Variants in ZNF217 observed in about 807,000 individuals in gnomAD.
ZNF217 encodes the protein zinc finger protein 217.
In ZNF217, 12 loss-of-function variants were observed where a neutral mutation model predicts 73.3. The ratio of observed to expected loss-of-function variants is 0.16; its 90% confidence interval spans 0.10 to 0.27. ZNF217 has a LOEUF of 0.27. ZNF217 is among the 10% of genes least tolerant of loss of function. ZNF217 has a pLI of 1.00. For missense variants in ZNF217, 1,195 were observed against 1,327.8 expected (o/e 0.90, Z 1.55); for synonymous variants, 588 against 516.4 (o/e 1.14, Z -1.88).
At position 53,576,001 on chromosome 20, in the gene ZNF217, C is replaced by T. The variant is rs780377576; in HGVS notation, c.2763G>A (p.Lys921=). Residue 921 remains lysine (K), a synonymous_variant, in exon 4 of 6, where the codon AAG becomes AAA. Transcript: ENST00000371471. ...CAACGTCAAGGGCAACCACGCTGGA[C>T]TTCAGTCTTTTTGGAAGGGGCTCAC... ...EFGEPLPKRL[K]SSVVALDVDQ... is the part of the protein sequence containing the mutation. The T allele has an allele frequency of 8.1e-6, 13 of 1,614,218 alleles. No individual in the cohort carries two copies. The highest frequency in any genetic ancestry group is 1.1e-5 in the Non-Finnish European group (13 of 1,180,034).
chr20:53,583,209 C>T (rs758057060), intron 1 of ZNF217, 41 bp from the exon 2 acceptor site: 2 of 405,082 alleles, frequency 4.9e-6, no homozygotes, highest in Non-Finnish European at 4.4e-6. Context: ...ACACTCAGAG[C>T]GAAGAGAAGG....
chr20:53,580,536 G>C (rs1044031857), intron 2 of ZNF217, among the ~76,000 whole-genome samples: 2 of 152,166 alleles, frequency 1.3e-5, no homozygotes, highest in Non-Finnish European at 1.5e-5. Context: ...GAGGATGGGC[G>C]CAACTCCAAA....
chr20:53,577,785 A>G (rs1988337240), intron 3 of ZNF217, among the ~76,000 whole-genome samples: 1 of 152,246 alleles, frequency 6.6e-6, no homozygotes, highest in African/African-American at 2.4e-5. Flanking sequence ...GTCAGGACAT[A>G]GCAGTCATAA....
upstream of ZNF217, among the ~76,000 whole-genome samples, chr20:53,597,098 A>AC (rs1989055051): frequency 2.1e-5 from 3 of 142,852 alleles, no homozygotes; most frequent in South Asian, 6.7e-4. Flanking sequence ...AAAAAAAAAG[A>AC]AAAAAAAAAA....
upstream of ZNF217, among the ~76,000 whole-genome samples, chr20:53,594,898 G>T (rs1284790742): frequency 2.0e-5 from 3 of 152,022 alleles, no homozygotes; most frequent in African/African-American, 7.2e-5. Flanking sequence ...TCTTCAGAAA[G>T]CTATTTAATT....
At chr20:53,593,863 A>C (rs1169782332), upstream of ZNF217, 1 of 16,448 alleles carries the variant, frequency 6.1e-5, no homozygotes, top group East Asian at 1.3e-3. Flanking sequence ...CGCGGAGGGG[A>C]GGGGGCGGGG....
chr20:53,594,456 C>T (rs1162994773), upstream of ZNF217, among the ~76,000 whole-genome samples: 2 of 151,214 alleles, frequency 1.3e-5, no homozygotes, highest in African/African-American at 4.8e-5. Context: ...GCCGCCGACT[C>T]CGCCTCCGGG....
rs1568687551 is a variant in ZNF217 at position 53,582,064 on chromosome 20, G to C, written c.763C>G (p.Gln255Glu). ...GTSSAQTDSP[Q>E]GGMPSSREDF... ...TCCCTCGAGGACGGCATTCCTCCTT[G>C]TGGAGAGTCTGTCTGCGCGCTGCTG... Residue 255 changes from glutamine to glutamate, a missense_variant, in exon 2 of 6, where the codon CAA (glutamine) becomes GAA (glutamate). Gln to Glu is a conservative substitution (Grantham distance 29). This residue lies in a region of ZNF217 where 126 missense variants were observed against 114.4 expected (regional missense o/e 1.10). Coordinates refer to ENST00000371471, the MANE Select transcript of ZNF217 (RefSeq NM_006526.3). This position sits in a 1 kb window ranked among gnomAD's most constrained non-coding sequence, Gnocchi z 4.8. The C allele has an allele frequency of 6.2e-7, 1 of 1,614,216 alleles. No homozygotes were observed.
In ZNF217 at chr20:53,576,478, T is replaced by C. The variant is rs753408339; in HGVS notation, c.2286A>G (p.Gly762=). 2 of 1,614,108 alleles carry C rather than the reference T, an allele frequency of 1.2e-6. No individual in the cohort carries two copies. Among genetic ancestry groups the C allele is most frequent in the Non-Finnish European group, 1.7e-6 (2 of 1,180,056 alleles). ...AACTAGAGAGGGGAGGCACATCTTT[T>C]CCCAGCAACGCTGGCGGGCATCCGG... ...RRTGCPPALL[G]KDVPPLSSFC... The change falls in exon 4 of 6, where the codon GGA becomes GGG. Residue 762 remains glycine, a synonymous_variant. Coordinates refer to ENST00000371471, the MANE Select transcript of ZNF217 (RefSeq NM_006526.3).
intron 4 of ZNF217, among the ~76,000 whole-genome samples, chr20:53,573,345 A>G (rs1216980735): frequency 1.3e-5 from 2 of 152,176 alleles, no homozygotes; most frequent in Non-Finnish European, 2.9e-5. Flanking sequence ...GCTGTTTCCC[A>G]AAGTCCTGGG....
intron 2 of ZNF217, among the ~76,000 whole-genome samples, chr20:53,579,774 G>A (rs1988418098): frequency 1.3e-5 from 2 of 152,214 alleles, no homozygotes; most frequent in Non-Finnish European, 2.9e-5. Flanking sequence ...TCCTTGGGAG[G>A]TGGAAGACAG....
At chr20:53,591,286 G>C (rs545771946) in intron 1 of ZNF217, among the ~76,000 whole-genome samples, 3 of 152,218 alleles carry the variant, frequency 2.0e-5, no homozygotes, top group Non-Finnish European at 4.4e-5. Context: ...AGGATTAAAA[G>C]AGTGGGACAC....
At position 53,577,140 on chromosome 20, in the gene ZNF217, T is replaced by C. The variant is rs1179384562; in HGVS notation, c.1624A>G (p.Thr542Ala). 2 of 1,614,200 alleles carry C rather than the reference T, an allele frequency of 1.2e-6. No individual in the cohort carries two copies. Among genetic ancestry groups the C allele is most frequent in the Non-Finnish European group, 1.7e-6 (2 of 1,180,050 alleles). The change falls in exon 4 of 6, where the codon ACT becomes GCT. Residue 542 changes from threonine (T) to alanine (A), a missense_variant. Physicochemically the swap from Thr to Ala is moderately conservative, Grantham distance 58. Coordinates refer to ENST00000371471, the MANE Select transcript of ZNF217 (RefSeq NM_006526.3). ...TCAGCGGTTAATAGTGCATCTTCAG[T>C]GTCCTGATTTTTACCATCGTTCTTG... ...EVKNDGKNQD[T>A]EDALLTADSA... is the part of the protein sequence containing the mutation.
At chr20:53,593,694 G>T (rs1253931305) in intron 1 of ZNF217, 62 bp downstream of exon 1, 2 of 151,002 alleles carry the variant, frequency 1.3e-5, no homozygotes, top group Non-Finnish European at 3.0e-5. Context: ...GGCGGCGCGG[G>T]AGCCTCCGCA....
At chr20:53,593,845 G>A (rs1270290604), upstream of ZNF217, 2 of 149,866 alleles carry the variant, frequency 1.3e-5, no homozygotes, top group Non-Finnish European at 3.0e-5. Context: ...TGAATGAGGA[G>A]GAGCGGGCGC....
intron 4 of ZNF217, among the ~76,000 whole-genome samples, chr20:53,573,948 G>A (rs1255003734): frequency 6.6e-6 from 1 of 151,918 alleles, no homozygotes; most frequent in East Asian, 1.9e-4. Flanking sequence ...GTGGGTGCCT[G>A]CATCCAAACT....
intron 4 of ZNF217, 57 bp downstream of exon 4, chr20:53,575,670 G>C (rs1251341586): frequency 1.4e-5 from 20 of 1,467,550 alleles, no homozygotes; most frequent in Non-Finnish European, 1.8e-5. Flanking sequence ...AGAATGCCTG[G>C]ATTAGCTATT....
At chr20:53,572,166 G>A (rs189655456) in intron 4 of ZNF217, among the ~76,000 whole-genome samples, 53 of 152,304 alleles carry the variant, frequency 3.5e-4, no homozygotes, top group African/African-American at 1.2e-3. Flanking sequence ...ATGTAAAAGT[G>A]TTGTTTTTTG....
At chr20:53,585,095 G>GAAAAAAA (rs748460021) in intron 1 of ZNF217, among the ~76,000 whole-genome samples, 3 of 46,956 alleles carry the variant, frequency 6.4e-5, no homozygotes, top group East Asian at 6.0e-4. Context: ...GTGAGAATTT[G>GAAAAAAA]AAAAAAAAAA....
Sources: gnomAD v4.1 joint callset for allele counts (sites outside exome capture counted in the v4.1 genomes callset) on GRCh38, gnomAD v4.1.1 for gene constraint, gnomAD v4.1.1 regional missense constraint, Gnocchi (gnomAD v3.1) non-coding constraint, MANE v1.5 for transcripts, NCBI Gene and HGNC (gene_info 2026-07-23, HGNC 2026-07-21) for gene names.